Variants in PARVA observed in about 807,000 individuals in gnomAD.
PARVA encodes the protein alpha-parvin.
In PARVA, 25 loss-of-function variants were observed where a neutral mutation model predicts 52.6. That is an observed-to-expected ratio of 0.48 (90% confidence interval 0.35 to 0.66). The LOEUF (loss-of-function observed/expected upper bound fraction) is 0.66, where lower values mean the gene tolerates loss of function less well. Ranked by LOEUF, PARVA falls within the 30% of genes least tolerant of loss-of-function variation. The pLI is 0.01. For synonymous variants in PARVA, 185 were observed against 179.1 expected (o/e 1.03, Z -0.26); for missense variants, 373 against 450.9 (o/e 0.83, Z 1.56).
chr11:12,469,915 A>G (rs1398067837), intron 1 of PARVA, among the ~76,000 whole-genome samples: 1 of 152,124 alleles, frequency 6.6e-6, no homozygotes, highest in Admixed American at 6.5e-5. Context: ...CACCTTTAGG[A>G]GTCCTGGCTT....
chr11:12,501,106 CA>C (rs112564187), intron 5 of PARVA, among the ~76,000 whole-genome samples: 15,863 of 132,476 alleles, frequency 0.12, 874 homozygotes, highest in South Asian at 0.19. Flanking sequence ...AAATCCATCT[CA>C]AAAAAAAAAA....
intron 12 of PARVA, among the ~76,000 whole-genome samples, chr11:12,519,900 A>G (rs770955660): frequency 1.2e-4 from 18 of 152,172 alleles, no homozygotes; most frequent in Non-Finnish European, 2.5e-4. Context: ...TCCTAATGCC[A>G]TTAGGAATGG....
intron 4 of PARVA, among the ~76,000 whole-genome samples, chr11:12,494,247 A>C (rs1028476348): frequency 1.3e-5 from 2 of 152,156 alleles, no homozygotes; most frequent in Non-Finnish European, 2.9e-5. Flanking sequence ...AGTTTTTATG[A>C]AGTGTCATTA....
At chr11:12,492,617 CA>C (rs1376422536) in intron 4 of PARVA, among the ~76,000 whole-genome samples, 1 of 152,104 alleles carries the variant, frequency 6.6e-6, no homozygotes, top group Non-Finnish European at 1.5e-5. Flanking sequence ...AAGAAGTTCG[CA>C]AATTAATCTT....
intron 4 of PARVA, among the ~76,000 whole-genome samples, chr11:12,484,504 G>GGTGTGTGTGTGTGTGTGTGT (rs35501237): frequency 2.8e-4 from 40 of 144,696 alleles, no homozygotes; most frequent in African/African-American, 9.2e-4. Flanking sequence ...GTTTTGTTTT[G>GGTGTGTGTGTGTGTGTGTGT]GTGTGTGTGT....
At chr11:12,431,857 T>C (rs1420119515) in intron 1 of PARVA, among the ~76,000 whole-genome samples, 1 of 152,262 alleles carries the variant, frequency 6.6e-6, no homozygotes, top group Non-Finnish European at 1.5e-5. Flanking sequence ...TCTCGTTCTG[T>C]GGCTTCTAAA....
chr11:12,424,294 AAAAC>A (rs1334264490), intron 1 of PARVA, among the ~76,000 whole-genome samples: 1 of 152,152 alleles, frequency 6.6e-6, no homozygotes, highest in Non-Finnish European at 1.5e-5. Context: ...TATCATCTGC[AAAAC>A]AAGTGATATG....
intron 1 of PARVA, among the ~76,000 whole-genome samples, chr11:12,388,158 AGAG>A (rs1251484655): frequency 6.6e-6 from 1 of 152,346 alleles, no homozygotes; most frequent in Non-Finnish European, 1.5e-5. Context: ...GAACTCACCA[AGAG>A]GAGAAGATGG....
chr11:12,509,047 C>T (rs1203976921), intron 7 of PARVA, among the ~76,000 whole-genome samples: 2 of 150,616 alleles, frequency 1.3e-5, no homozygotes, highest in African/African-American at 4.9e-5. Context: ...AGCCTCTCTA[C>T]CTTAGATTTG....
At chr11:12,388,692 A>T (rs1395085944) in intron 1 of PARVA, among the ~76,000 whole-genome samples, 4 of 151,738 alleles carry the variant, frequency 2.6e-5, no homozygotes, top group Admixed American at 1.3e-4. Flanking sequence ...CTTTATTATA[A>T]TTTTTTTCTT....
At chr11:12,495,306 C>G (rs1941286159) in intron 4 of PARVA, among the ~76,000 whole-genome samples, 1 of 152,256 alleles carries the variant, frequency 6.6e-6, no homozygotes, top group East Asian at 1.9e-4. Flanking sequence ...CTCCATTGGG[C>G]AACTTTATCT....
chr11:12,522,816 T>G (rs1466794350), intron 12 of PARVA, among the ~76,000 whole-genome samples: 1 of 149,050 alleles, frequency 6.7e-6, no homozygotes, highest in African/African-American at 2.5e-5. Context: ...ACAGCTCATG[T>G]AACAACATAG....
At chr11:12,493,355 CAAAA>C (rs11286221) in intron 4 of PARVA, among the ~76,000 whole-genome samples, 6 of 130,550 alleles carry the variant, frequency 4.6e-5, no homozygotes, top group Admixed American at 1.5e-4. Flanking sequence ...GACTCCATCT[CAAAA>C]AAAAAAAAAA....
chr11:12,527,708 CTCGCTGCCCACTCTACCCA>C (rs1280023726), intron 12 of PARVA, 122 bp from the exon 13 acceptor site: 1 of 711,230 alleles, frequency 1.4e-6, no homozygotes, highest in African/African-American at 1.7e-5. Flanking sequence ...GCTCTGAATT[CTCGCTGCCCACTCTACCCA>C]TCTGCCCCGA....
intron 10 of PARVA, among the ~76,000 whole-genome samples, chr11:12,517,333 C>T (rs368276573): frequency 1.3e-4 from 17 of 132,632 alleles, no homozygotes; most frequent in African/African-American, 4.0e-4. Flanking sequence ...CCCCACCATG[C>T]TCTGGTCCCC....
At chr11:12,399,141 G>T (rs74864159) in intron 1 of PARVA, among the ~76,000 whole-genome samples, 1 of 152,048 alleles carries the variant, frequency 6.6e-6, no homozygotes, top group Non-Finnish European at 1.5e-5. Context: ...TCATTCTGCC[G>T]CTCAGTATAT....
At chr11:12,421,909 T>C (rs1186852181) in intron 1 of PARVA, among the ~76,000 whole-genome samples, 1 of 152,204 alleles carries the variant, frequency 6.6e-6, no homozygotes, top group Non-Finnish European at 1.5e-5. Flanking sequence ...CCCAGAACAT[T>C]CTTGATTGAG....
chr11:12,438,241 CAG>C (rs1486573078), intron 1 of PARVA, among the ~76,000 whole-genome samples: 2 of 141,754 alleles, frequency 1.4e-5, no homozygotes, highest in Non-Finnish European at 3.0e-5. Context: ...GCCTGGGTGA[CAG>C]AGCGAGACTG....
At chr11:12,443,600 A>G (rs796823822) in intron 1 of PARVA, among the ~76,000 whole-genome samples, 69 of 152,310 alleles carry the variant, frequency 4.5e-4, no homozygotes, top group African/African-American at 1.6e-3. Context: ...AAGTATATTC[A>G]TTCATGCTTT....
Sources: gnomAD v4.1 joint callset for allele counts (sites outside exome capture counted in the v4.1 genomes callset) on GRCh38, gnomAD v4.1.1 for gene constraint, MANE v1.5 for transcripts, NCBI Gene and HGNC (gene_info 2026-07-23, HGNC 2026-07-21) for gene names.